Variants in CSMD1 observed in about 807,000 individuals in gnomAD.
CSMD1 encodes the protein CUB and Sushi multiple domains 1.
In CSMD1, 213 loss-of-function variants were observed where a neutral mutation model predicts 417.5. The ratio of observed to expected loss-of-function variants is 0.51; its 90% confidence interval spans 0.46 to 0.57. The LOEUF is 0.57. Among genes scored for constraint, CSMD1 ranks in the 20% least tolerant of loss-of-function variants. The pLI, the probability that CSMD1 is intolerant of heterozygous loss-of-function variation, is 0.00. For missense variants in CSMD1, 6,923 were observed against 4,529.7 expected (o/e 1.53, Z -15.17); for synonymous variants, 2,862 against 1,736.8 (o/e 1.65, Z -16.11).
chr8:4,240,236 A>C (rs1802311277), intron 3 of CSMD1, among the ~76,000 whole-genome samples: 1 of 152,230 alleles, frequency 6.6e-6, no homozygotes. Flanking sequence ...GCTTGTGCTA[A>C]CCTGTTTCAT....
intron 5 of CSMD1, among the ~76,000 whole-genome samples, chr8:3,997,454 A>G (rs926247919): frequency 2.0e-5 from 3 of 152,214 alleles, no homozygotes; most frequent in Non-Finnish European, 4.4e-5. Flanking sequence ...ACTTCCCCAC[A>G]GGTGGCTACA....
At chr8:4,215,970 C>G (rs1390251019) in intron 3 of CSMD1, among the ~76,000 whole-genome samples, 1 of 152,120 alleles carries the variant, frequency 6.6e-6, no homozygotes, top group Non-Finnish European at 1.5e-5. Flanking sequence ...CATTTTTATC[C>G]AGACTTAAAC....
At chr8:3,721,527 A>T (rs1447827111) in intron 6 of CSMD1, among the ~76,000 whole-genome samples, 1 of 152,208 alleles carries the variant, frequency 6.6e-6, no homozygotes, top group Non-Finnish European at 1.5e-5. Context: ...GCATGGCACA[A>T]AGAGAAACAT....
At chr8:4,670,709 G>C (rs1396649366) in intron 1 of CSMD1, among the ~76,000 whole-genome samples, 1 of 151,990 alleles carries the variant, frequency 6.6e-6, no homozygotes, top group East Asian at 1.9e-4. Flanking sequence ...CGTCTCTTAA[G>C]GCAGACCAGA....
intron 2 of CSMD1, among the ~76,000 whole-genome samples, chr8:4,529,037 C>G (rs573952737): frequency 6.6e-6 from 1 of 151,996 alleles, no homozygotes; most frequent in Non-Finnish European, 1.5e-5. Context: ...ATATGTGAGA[C>G]GGTGTTTTTT....
rs150432060 is a variant in CSMD1, at chr8:4,229,513, A to C, written c.415+190440T>G. On this transcript the variant is annotated intron_variant, in intron 3 of 69. Transcript: ENST00000635120. The stretch of plus-strand genomic sequence containing the variant: ...GAACATTTTGTCTTCATATAATTCT[A>C]CTGTAGCTTTTTTCCTCTTATTTCT... Among the ~76,000 whole-genome samples, 894 of 152,260 alleles carry C rather than the reference A, an allele frequency of 5.9e-3. 6 individuals carry two copies. Among genetic ancestry groups the C allele is most frequent in the Non-Finnish European group, 9.0e-3 (614 of 68,006 alleles).
chr8:4,905,723 G>A (rs1379730717), intron 1 of CSMD1, among the ~76,000 whole-genome samples: 1 of 151,424 alleles, frequency 6.6e-6, no homozygotes, highest in Non-Finnish European at 1.5e-5. Flanking sequence ...GGGAGGCTGA[G>A]GCAGGAGAAT....
chr8:4,053,338 T>C (rs1166642504), intron 3 of CSMD1, among the ~76,000 whole-genome samples: 1 of 152,158 alleles, frequency 6.6e-6, no homozygotes, highest in African/African-American at 2.4e-5. Flanking sequence ...GACTGACCTT[T>C]AGTTAGTTTT....
intron 5 of CSMD1, among the ~76,000 whole-genome samples, chr8:3,919,942 A>T (rs1398391782): frequency 6.6e-6 from 1 of 152,166 alleles, no homozygotes; most frequent in Non-Finnish European, 1.5e-5. Context: ...TTTGACTCAG[A>T]AACACAACTG....
At chr8:4,884,894 T>C (rs781255851) in intron 1 of CSMD1, among the ~76,000 whole-genome samples, 5 of 152,138 alleles carry the variant, frequency 3.3e-5, no homozygotes, top group Non-Finnish European at 7.4e-5. Flanking sequence ...TATCAATTTT[T>C]GCAACATAGA....
intron 6 of CSMD1, among the ~76,000 whole-genome samples, chr8:3,722,062 G>A (rs137927255): frequency 1.3e-5 from 2 of 152,266 alleles, no homozygotes; most frequent in East Asian, 3.9e-4. Context: ...TAAGGAAGAG[G>A]CCGGGCAAAG....
At position 3,425,819 on chromosome 8, in the gene CSMD1, T is replaced by C. The variant is rs192302661; in HGVS notation, c.1562-16214A>G. On this transcript the variant is annotated intron_variant, in intron 12 of 69. Coordinates refer to ENST00000635120, the MANE Select transcript of CSMD1 (RefSeq NM_033225.6). Reference sequence around the variant, plus strand: ...ATTTCAGCACCTTGATTCACGTATATTGACATTGAGGTGAAGAACTATGAC... The same window carrying C: ...ATTTCAGCACCTTGATTCACGTATACTGACATTGAGGTGAAGAACTATGAC... Among the ~76,000 whole-genome samples the C allele has an allele frequency of 3.9e-4, 59 of 152,226 alleles. No homozygotes were observed. In the East Asian group the frequency reaches 4.1e-3, roughly 10 times the overall value.
chr8:3,011,936 G>A (rs1374244836), intron 52 of CSMD1, among the ~76,000 whole-genome samples: 2 of 152,158 alleles, frequency 1.3e-5, no homozygotes, highest in Non-Finnish European at 2.9e-5. Flanking sequence ...CTTCCTGGGT[G>A]GATTAGCAAG....
At chr8:4,421,628 A>G (rs1280404746) in intron 2 of CSMD1, among the ~76,000 whole-genome samples, 1 of 152,100 alleles carries the variant, frequency 6.6e-6, no homozygotes, top group Non-Finnish European at 1.5e-5. Flanking sequence ...AAAAATACAG[A>G]TAAACTGAAT....
chr8:3,516,337 T>A (rs766077919), intron 10 of CSMD1, among the ~76,000 whole-genome samples: 1 of 152,202 alleles, frequency 6.6e-6, no homozygotes, highest in Non-Finnish European at 1.5e-5. Flanking sequence ...AGCAGATGAA[T>A]AGACTTCTTC....
chr8:2,987,171 A>G (rs758127959), intron 54 of CSMD1, among the ~76,000 whole-genome samples: 1 of 152,086 alleles, frequency 6.6e-6, no homozygotes, highest in Admixed American at 6.5e-5. Flanking sequence ...AAGGGCATTT[A>G]GCATTTGCAG....
chr8:3,091,511 C>G lies in CSMD1; in HGVS notation c.7285+5G>C, dbSNP rs372134952. On this transcript the variant is annotated splice_donor_5th_base_variant and intron_variant, in intron 48 of 69. Coordinates refer to ENST00000635120, the MANE Select transcript of CSMD1 (RefSeq NM_033225.6). Reference sequence around the variant, plus strand: ...TCATATAAAATCTAAACCTCATTTACTTACCTGCATAGCGAATCTTGAATC... The same window carrying G: ...TCATATAAAATCTAAACCTCATTTAGTTACCTGCATAGCGAATCTTGAATC... 8.2e-6 allele frequency: 13 copies of G among 1,591,236 alleles called. No homozygotes were observed. The highest frequency in any genetic ancestry group is 1.1e-5 in the Non-Finnish European group (13 of 1,173,244).
In CSMD1 at chr8:3,052,423, T is replaced by C. The variant is rs557503945; in HGVS notation, c.7660+39A>G. The C allele has an allele frequency of 7.2e-4, 1,099 of 1,521,526 alleles. 27 individuals carry two copies. In the South Asian group the frequency reaches 0.013, roughly 18 times the overall value. 94.3% of individuals were successfully genotyped at this position (1,521,526 alleles called of 1,614,324 possible). A position where few individuals can be genotyped will look rare whatever the true frequency, so the allele number is the denominator to read the frequency against. ...CTCCCGAAAGCATTCAGTTCCCACC[T>C]AAACCCACAAAGATGGGCAGATGCC... On this transcript the variant is annotated intron_variant, in intron 50 of 69. Coordinates refer to ENST00000635120, the MANE Select transcript of CSMD1 (RefSeq NM_033225.6).
intron 7 of CSMD1, among the ~76,000 whole-genome samples, chr8:3,682,542 ACAGG>A (rs1799719890): frequency 1.3e-5 from 2 of 152,192 alleles, no homozygotes; most frequent in South Asian, 4.1e-4. Flanking sequence ...TCAGGAAACA[ACAGG>A]TGCTGGAGAG....
Sources: gnomAD v4.1 joint callset for allele counts (sites outside exome capture counted in the v4.1 genomes callset) on GRCh38, gnomAD v4.1.1 for gene constraint, MANE v1.5 for transcripts, NCBI Gene and HGNC (gene_info 2026-07-23, HGNC 2026-07-21) for gene names.